The following GALNT10 variants were observed in gnomAD, a reference collection of about 807,000 sequenced individuals.
GALNT10 encodes the protein polypeptide N-acetylgalactosaminyltransferase 10.
GALNT10 carries 41 observed loss-of-function variants against 75.0 expected under a neutral mutation model. The ratio of observed to expected loss-of-function variants is 0.55; its 90% CI spans 0.43 to 0.71. The LOEUF (loss-of-function observed/expected upper bound fraction) is 0.71. Ranked by LOEUF, GALNT10 falls within the 30% of genes least tolerant of loss-of-function variation. The probability of loss-of-function intolerance (pLI) is 0.00; values close to 1 mark genes in which losing one functional copy is unlikely to be tolerated. For missense variants in GALNT10, 727 were observed against 818.5 expected, an observed-to-expected ratio of 0.89 and a Z score of 1.36; for synonymous variants, 302 against 313.0, an observed-to-expected ratio of 0.96 and a Z score of 0.37.
At chr5:154,259,141 T>C (rs1753660744) in intron 1 of GALNT10, among the ~76,000 whole-genome samples, 1 of 152,176 alleles carries the variant, frequency 6.6e-6, no homozygotes, top group Non-Finnish European at 1.5e-5. Context: ...TTAAAACACA[T>C]TCAACCCATT....
rs1201405196 is a variant in GALNT10 at position 154,266,991 on chromosome 5, TCTTAGCAC to T, written c.160-27821_160-27814del. 3.3e-5 allele frequency among the ~76,000 whole-genome samples: 5 copies of T among 152,344 alleles called. No homozygotes were observed. The East Asian group carries it at 9.6e-4, about 29-fold the overall frequency. ...ACCTAGGCTTTCAGTCCCCTGTAGA[TCTTAGCAC>T]CTTCTGCTAATATTGGAGTTAATTG... On this transcript the variant is annotated intron_variant, in intron 1 of 11. Coordinates refer to ENST00000297107, the MANE Select transcript of GALNT10 (RefSeq NM_198321.4).
chr5:154,191,006 TGGCGCCGGC>T lies in GALNT10; in HGVS notation c.145_153del (p.Pro49_Ala51del). 1 of 1,472,218 alleles carries T rather than the reference TGGCGCCGGC, an allele frequency of 6.8e-7. No homozygotes were observed. The highest frequency in any genetic ancestry group is 9.0e-7 in the Non-Finnish European group (1 of 1,108,560). The allele number at this position is 1,472,218 out of a possible 1,614,324, so 91.2% of individuals were successfully genotyped here. ...ACCCCTGGGGGATCGGGGGCGGCGG[TGGCGCCGGC>T]GGCGGGACAGGTGAGTCCCCCCGTT... On this transcript the variant is annotated inframe_deletion, in exon 1 of 12. Transcript: ENST00000297107.
chr5:154,326,217 A>G (rs895614656), intron 3 of GALNT10, among the ~76,000 whole-genome samples: 39 of 152,226 alleles, frequency 2.6e-4, no homozygotes, highest in African/African-American at 9.2e-4. Flanking sequence ...ACTCACTAGG[A>G]TAGCTATAAT....
chr5:154,395,305 C>G (rs1755993749), intron 7 of GALNT10, among the ~76,000 whole-genome samples: 2 of 152,212 alleles, frequency 1.3e-5, no homozygotes, highest in Non-Finnish European at 2.9e-5. Flanking sequence ...CACAGATGGG[C>G]TTCAGCATCA....
At chr5:154,216,609 T>C (rs1752877001) in intron 1 of GALNT10, among the ~76,000 whole-genome samples, 2 of 152,318 alleles carry the variant, frequency 1.3e-5, no homozygotes, top group Admixed American at 6.5e-5. Flanking sequence ...ATTTGAAAAT[T>C]AGAAATTTGT....
chr5:154,418,399 T>G lies in GALNT10; in HGVS notation c.*1427T>G, dbSNP rs1297126897. The G allele has an allele frequency of 1.3e-5, 2 of 152,204 alleles. No homozygotes were observed. Among genetic ancestry groups the G allele is most frequent in the Non-Finnish European group, 2.9e-5 (2 of 68,044 alleles). 9.4% of individuals were successfully genotyped at this position (152,204 alleles called of 1,614,324 possible). ...TTGCTTTGTTAATTACATGTCAGAC[T>G]CCTAGAGGGCCTCCAGACTAATAGG... On this transcript the variant is annotated 3_prime_UTR_variant, in exon 12 of 12. Coordinates refer to ENST00000297107, the MANE Select transcript of GALNT10 (RefSeq NM_198321.4).
At position 154,409,596 on chromosome 5, in the gene GALNT10, A is replaced by T; in HGVS notation, c.1220A>T (p.Gln407Leu). ...WMDEYAEYIY[Q>L]RRPEYRHLSA... ...GATGAGTACGCAGAGTACATTTACC[A>T]GCGCCGGCCTGAATACCGCCACCTC... is the stretch of plus-strand genomic sequence containing the variant. Residue 407 changes from glutamine (Q) to leucine (L), a missense_variant, in exon 9 of 12, where the codon CAG (glutamine) becomes CTG (leucine). Transcript: ENST00000297107. The surrounding 1 kb of genome is among the most constrained non-coding windows in gnomAD (Gnocchi z 4.5). The T allele has an allele frequency of 6.2e-7, 1 of 1,614,080 alleles. No homozygotes were observed. Among genetic ancestry groups the T allele is most frequent in the Non-Finnish European group, 8.5e-7 (1 of 1,179,936 alleles).
intron 1 of GALNT10, among the ~76,000 whole-genome samples, chr5:154,214,762 CTG>C (rs2113650626): frequency 6.6e-6 from 1 of 152,198 alleles, no homozygotes; most frequent in Admixed American, 6.5e-5. Flanking sequence ...CATTATGAAA[CTG>C]TACTTTTCAG....
At chr5:154,312,695 C>G (rs1218757550) in intron 3 of GALNT10, among the ~76,000 whole-genome samples, 1 of 152,152 alleles carries the variant, frequency 6.6e-6, no homozygotes, top group Non-Finnish European at 1.5e-5. Context: ...AAAAAACATC[C>G]TGGAACACAT....
rs1756426129 is a variant in GALNT10, at chr5:154,412,794, A to G, written c.1387-95A>G. On this transcript the variant is annotated intron_variant, in intron 9 of 11. Transcript: ENST00000297107. This position sits in a 1 kb window ranked among gnomAD's most constrained non-coding sequence, Gnocchi z 4.2. ...GACGATTTGAAGGTTAATCCAGCTA[A>G]TGTCTCCCACTTGGTTTCCCCTTTC... 1 of 838,344 alleles carries G rather than the reference A, an allele frequency of 1.2e-6. No individual in the cohort carries two copies. Among genetic ancestry groups the G allele is most frequent in the Non-Finnish European group, 2.1e-6 (1 of 481,158 alleles). 51.9% of individuals were successfully genotyped at this position (838,344 alleles called of 1,614,324 possible). A position where few individuals can be genotyped will look rare whatever the true frequency, so the allele number is the denominator to read the frequency against.
intron 1 of GALNT10, among the ~76,000 whole-genome samples, chr5:154,214,430 C>T (rs1012164406): frequency 6.6e-6 from 1 of 152,080 alleles, no homozygotes; most frequent in African/African-American, 2.4e-5. Flanking sequence ...GCAGCGAGCA[C>T]TCATCACCGG....
At chr5:154,316,750 G>A (rs1754599252) in intron 3 of GALNT10, among the ~76,000 whole-genome samples, 1 of 152,172 alleles carries the variant, frequency 6.6e-6, no homozygotes, top group Non-Finnish European at 1.5e-5. Context: ...ATACATGAAT[G>A]ATGCAAGGCA....
intron 3 of GALNT10, among the ~76,000 whole-genome samples, chr5:154,312,669 C>G (rs760960922): frequency 3.2e-4 from 48 of 152,298 alleles, no homozygotes; most frequent in Non-Finnish European, 5.0e-4. Context: ...GTCCTTGCTT[C>G]TGGAAAAAGT....
intron 4 of GALNT10, among the ~76,000 whole-genome samples, chr5:154,375,559 G>T (rs184412395): frequency 6.6e-6 from 1 of 152,156 alleles, no homozygotes; most frequent in Non-Finnish European, 1.5e-5. Flanking sequence ...CTTCAGGCAC[G>T]TGAGTCTAGG....
intron 4 of GALNT10, among the ~76,000 whole-genome samples, chr5:154,350,352 C>T (rs1002806991): frequency 6.6e-6 from 1 of 152,158 alleles, no homozygotes; most frequent in Non-Finnish European, 1.5e-5. Flanking sequence ...CCATTGCAAC[C>T]AGTGCAGGAA....
intron 1 of GALNT10, among the ~76,000 whole-genome samples, chr5:154,195,087 C>T (rs543017196): frequency 2.6e-5 from 4 of 152,224 alleles, no homozygotes; most frequent in South Asian, 2.1e-4. Context: ...TAACAGATAA[C>T]GGAATCAGGA....
intron 4 of GALNT10, among the ~76,000 whole-genome samples, chr5:154,368,814 T>C (rs1172759032): frequency 6.6e-6 from 1 of 152,204 alleles, no homozygotes; most frequent in African/African-American, 2.4e-5. Context: ...TATTTACCTG[T>C]CTATAAGTTT....
intron 1 of GALNT10, among the ~76,000 whole-genome samples, chr5:154,256,930 GT>G (rs1753623588): frequency 6.6e-6 from 1 of 151,956 alleles, no homozygotes; most frequent in Non-Finnish European, 1.5e-5. Context: ...TAACTCTTTG[GT>G]TTTCATACCA....
chr5:154,326,424 T>C (rs1363380270), intron 3 of GALNT10, among the ~76,000 whole-genome samples: 1 of 152,180 alleles, frequency 6.6e-6, no homozygotes. Flanking sequence ...TGAAAACATG[T>C]CTACATAAAA....
Sources: gnomAD v4.1 joint callset for allele counts (sites outside exome capture counted in the v4.1 genomes callset) on GRCh38, gnomAD v4.1.1 for gene constraint, Gnocchi (gnomAD v3.1) non-coding constraint, MANE v1.5 for transcripts, NCBI Gene and HGNC (gene_info 2026-07-23, HGNC 2026-07-21) for gene names.